The following APBA1 variants were observed in gnomAD, a reference collection of about 807,000 sequenced individuals.
APBA1 encodes the protein amyloid beta precursor protein binding family A member 1, also known as amyloid-beta A4 precursor protein-binding family A member 1.
Under a neutral mutation model 86.6 loss-of-function variants are expected in APBA1, and 55 were observed. That is an observed-to-expected ratio of 0.64 (90% CI 0.51 to 0.80). The LOEUF (loss-of-function observed/expected upper bound fraction) is 0.80. APBA1 is among the 30% of genes least tolerant of loss of function. APBA1 has a pLI of 0.00. For missense variants in APBA1, 1,090 were observed against 1,183.0 expected, an observed-to-expected ratio of 0.92 and a Z score of 1.15; for synonymous variants, 511 against 493.9, an observed-to-expected ratio of 1.03 and a Z score of -0.46.
chr9:69,436,972 G>GT (rs1028704173), intron 11 of APBA1, among the ~76,000 whole-genome samples: 5 of 152,116 alleles, frequency 3.3e-5, no homozygotes, highest in South Asian at 2.1e-4. Flanking sequence ...TTTATTGAGA[G>GT]TTTTTTAGCA....
In APBA1 at chr9:69,427,911, TACTCTAGGTGC is replaced by T; in HGVS notation, c.*3405_*3415del. 6.6e-6 allele frequency: 1 copy of T among 152,320 alleles called. No homozygotes were observed. The highest frequency in any genetic ancestry group is 6.5e-5 in the Admixed American group (1 of 15,300). 9.4% of individuals were successfully genotyped at this position (152,320 alleles called of 1,614,324 possible). A position where few individuals can be genotyped will look rare whatever the true frequency, so the allele number is the denominator to read the frequency against. ...TTTACAGAACAATAGTACAAGTTCA[TACTCTAGGTGC>T]TGTGCTAAGTATGTACAAGAAATGT... On this transcript the variant is annotated 3_prime_UTR_variant, in exon 13 of 13. Coordinates refer to ENST00000265381, the MANE Select transcript of APBA1 (RefSeq NM_001163.4).
At chr9:69,451,104 A>G (rs1304084734) in intron 9 of APBA1, among the ~76,000 whole-genome samples, 2 of 152,208 alleles carry the variant, frequency 1.3e-5, no homozygotes, top group East Asian at 3.9e-4. Flanking sequence ...GCCTTGGCCA[A>G]TAACCGGCAT....
chr9:69,560,010 C>A (rs952635003), intron 1 of APBA1, among the ~76,000 whole-genome samples: 1 of 152,148 alleles, frequency 6.6e-6, no homozygotes, highest in Non-Finnish European at 1.5e-5. Flanking sequence ...TTCTCAAGTC[C>A]CCTTCTTGCG....
intron 11 of APBA1, among the ~76,000 whole-genome samples, chr9:69,434,946 T>TC (rs1554687393): frequency 2.5e-4 from 15 of 59,946 alleles, no homozygotes; most frequent in African/African-American, 1.0e-3. Context: ...CCCTCCCCCC[T>TC]CCCCCCACCC....
chr9:69,431,437 TG>T, intron 12 of APBA1, 39 bp from the exon 13 acceptor site: 2 of 1,587,464 alleles, frequency 1.3e-6, no homozygotes, highest in Non-Finnish European at 1.7e-6. Context: ...GGGCTGAGGC[TG>T]GGGGCTGGCT....
At chr9:69,454,656 C>T (rs1483767040) in intron 8 of APBA1, among the ~76,000 whole-genome samples, 2 of 152,300 alleles carry the variant, frequency 1.3e-5, no homozygotes, top group East Asian at 3.9e-4. Context: ...CTACCTCTTG[C>T]TTCTCCAATC....
intron 10 of APBA1, among the ~76,000 whole-genome samples, chr9:69,449,214 G>A (rs189936735): frequency 6.6e-6 from 1 of 152,324 alleles, no homozygotes; most frequent in East Asian, 1.9e-4. Flanking sequence ...ATCATGCCAA[G>A]TGTATCTGGC....
In APBA1 at chr9:69,454,026, C is replaced by T. The variant is rs374299465; in HGVS notation, c.1789-1725G>A. On this transcript the variant is annotated intron_variant, in intron 8 of 12. Transcript: ENST00000265381. ...TCCTGCCCACCACACTGGAAGGCTT[C>T]TCTGTGAAATTCTGATGGGCAGAAA... Among the ~76,000 whole-genome samples the T allele has an allele frequency of 1.3e-3, 199 of 152,342 alleles. 2 individuals are homozygous for T. The highest frequency in any genetic ancestry group is 2.5e-3 in the Non-Finnish European group (170 of 68,034).
intron 1 of APBA1, among the ~76,000 whole-genome samples, chr9:69,566,677 C>T (rs572268077): frequency 6.6e-6 from 1 of 152,284 alleles, no homozygotes; most frequent in South Asian, 2.1e-4. Context: ...TTCTCAAGCA[C>T]TCCAAGCTCA....
Position 69,513,199 on chromosome 9 carries a change from T to C in APBA1, c.1200+2812A>G, listed in dbSNP as rs1488472644. On this transcript the variant is annotated intron_variant, in intron 2 of 12. Coordinates refer to ENST00000265381, the MANE Select transcript of APBA1 (RefSeq NM_001163.4). ...GACATGGTTGGTTCCTAAAGCATCATACAATGTTCTATAATTAATTTCACC... is the reference window on the plus strand; with the variant it reads ...GACATGGTTGGTTCCTAAAGCATCACACAATGTTCTATAATTAATTTCACC... Among the ~76,000 whole-genome samples the C allele has an allele frequency of 2.0e-5, 3 of 152,226 alleles. No homozygotes were observed. In the East Asian group the frequency reaches 5.8e-4, roughly 29 times the overall value.
intron 1 of APBA1, among the ~76,000 whole-genome samples, chr9:69,600,663 G>A (rs1463732620): frequency 6.6e-6 from 1 of 151,966 alleles, no homozygotes; most frequent in East Asian, 1.9e-4. Flanking sequence ...GCTGAGTGTG[G>A]AGGTACACAC....
At chr9:69,634,426 C>G (rs1823114032) in intron 1 of APBA1, among the ~76,000 whole-genome samples, 2 of 152,122 alleles carry the variant, frequency 1.3e-5, no homozygotes, top group South Asian at 4.1e-4. Flanking sequence ...TTAAAGTGTT[C>G]TGAGGTCCTA....
At chr9:69,585,815 G>T (rs2133960456) in intron 1 of APBA1, among the ~76,000 whole-genome samples, 1 of 152,220 alleles carries the variant, frequency 6.6e-6, no homozygotes, top group South Asian at 2.1e-4. Flanking sequence ...CACCTGCTGA[G>T]CATTCCTGTA....
At chr9:69,634,082 G>A (rs150303001) in intron 1 of APBA1, among the ~76,000 whole-genome samples, 16 of 152,068 alleles carry the variant, frequency 1.1e-4, no homozygotes, top group Non-Finnish European at 1.5e-4. Context: ...AAAATCAGAC[G>A]AGCAATCAAA....
intron 1 of APBA1, among the ~76,000 whole-genome samples, chr9:69,654,994 T>C (rs1418338759): frequency 6.6e-6 from 1 of 152,176 alleles, no homozygotes; most frequent in African/African-American, 2.4e-5. Flanking sequence ...AAGTGTTTGA[T>C]AAAATGTAAC....
At chr9:69,454,706 A>G (rs1207492723) in intron 8 of APBA1, among the ~76,000 whole-genome samples, 3 of 152,124 alleles carry the variant, frequency 2.0e-5, no homozygotes, top group Non-Finnish European at 4.4e-5. Flanking sequence ...TACCCCAAGG[A>G]GAAGAAACCC....
chr9:69,626,558 A>G (rs1019621470), intron 1 of APBA1, among the ~76,000 whole-genome samples: 2 of 152,204 alleles, frequency 1.3e-5, no homozygotes, highest in Non-Finnish European at 2.9e-5. Context: ...GCTAAACTGC[A>G]TAAACAAACA....
At chr9:69,462,647 G>A (rs1184699387) in intron 5 of APBA1, 2 of 152,166 alleles carry the variant, frequency 1.3e-5, no homozygotes, top group Non-Finnish European at 2.9e-5. Flanking sequence ...GCAAATGTCC[G>A]AAAAGGAGGT....
chr9:69,587,563 A>C (rs762549103), intron 1 of APBA1, among the ~76,000 whole-genome samples: 2 of 152,136 alleles, frequency 1.3e-5, no homozygotes, highest in Non-Finnish European at 2.9e-5. Flanking sequence ...ATCCCTTGCA[A>C]GTAGGTTCGG....
Sources: allele counts gnomAD v4.1 joint callset (sites outside exome capture counted in the v4.1 genomes callset), GRCh38; gene constraint gnomAD v4.1.1; transcripts MANE v1.5; gene names NCBI Gene and HGNC (gene_info 2026-07-23, HGNC 2026-07-21).